Variants in ASXL2 observed in about 807,000 individuals in gnomAD.
ASXL2 encodes the protein ASXL transcriptional regulator 2, also known as putative Polycomb group protein ASXL2.
ASXL2 carries 23 observed loss-of-function variants against 122.0 expected under a neutral mutation model. The observed-to-expected ratio is 0.19, with a 90% CI of 0.14 to 0.27. The LOEUF (loss-of-function observed/expected upper bound fraction) is 0.27, where lower values mean the gene tolerates loss of function less well. Ranked by LOEUF, ASXL2 falls within the 10% of genes least tolerant of loss-of-function variation. ASXL2 has a pLI of 1.00. For synonymous variants in ASXL2, 650 were observed against 637.0 expected, an observed-to-expected ratio of 1.02 and a Z score of -0.31; for missense variants, 1,518 against 1,713.8, an observed-to-expected ratio of 0.89 and a Z score of 2.02.
At chr2:25,759,100 G>A (rs897941868) in intron 9 of ASXL2, among the ~76,000 whole-genome samples, 11 of 152,006 alleles carry the variant, frequency 7.2e-5, no homozygotes, top group African/African-American at 2.7e-4. Context: ...GATTACAGGC[G>A]CCCACCACCA....
chr2:25,771,330 T>C, intron 6 of ASXL2, 110 bp downstream of exon 6: 1 of 890,312 alleles, frequency 1.1e-6, no homozygotes, highest in African/African-American at 1.7e-5. Context: ...AAAGTTCCAC[T>C]GGCAAGGGCC....
At chr2:25,769,053 T>C (rs73922463) in intron 6 of ASXL2, among the ~76,000 whole-genome samples, 185 bp from the exon 7 acceptor site, 2 of 152,120 alleles carry the variant, frequency 1.3e-5, no homozygotes, top group Non-Finnish European at 2.9e-5. Context: ...AGATCAAGTG[T>C]AGTATCTGTT....
chr2:25,856,539 A>G, intron 1 of ASXL2: 1 of 1,124,848 alleles, frequency 8.9e-7, no homozygotes, highest in South Asian at 1.2e-5. Context: ...TCCTCAAATG[A>G]GTTGGTTGTA....
At chr2:25,826,762 T>TAAAAGAAAA (rs2089382749) in intron 3 of ASXL2, among the ~76,000 whole-genome samples, 1 of 68,088 alleles carries the variant, frequency 1.5e-5, no homozygotes, top group Non-Finnish European at 2.6e-5. Context: ...ACTTTCAAGG[T>TAAAAGAAAA]AAAAAAAAAA....
At chr2:25,862,016 TA>T (rs1325737519) in intron 1 of ASXL2, among the ~76,000 whole-genome samples, 35 of 152,222 alleles carry the variant, frequency 2.3e-4, no homozygotes, top group Non-Finnish European at 4.3e-4. Context: ...ATTTTCCAGC[TA>T]ATTTAATGTC....
At chr2:25,829,852 G>C (rs2089430122) in intron 3 of ASXL2, among the ~76,000 whole-genome samples, 1 of 152,148 alleles carries the variant, frequency 6.6e-6, no homozygotes, top group South Asian at 2.1e-4. Flanking sequence ...TTGTCCTTGT[G>C]GGCCTGAGAC....
chr2:25,844,437 C>T (rs2089625910), intron 2 of ASXL2, among the ~76,000 whole-genome samples: 1 of 151,872 alleles, frequency 6.6e-6, no homozygotes. Context: ...AAAAATTAGG[C>T]ATGGTGGTGC....
intron 4 of ASXL2, among the ~76,000 whole-genome samples, chr2:25,800,874 A>T (rs2088988592): frequency 6.6e-6 from 1 of 152,216 alleles, no homozygotes; most frequent in South Asian, 2.1e-4. Context: ...CTATGTGTTT[A>T]CATAATATAT....
intron 2 of ASXL2, among the ~76,000 whole-genome samples, chr2:25,836,258 T>A (rs561474558): frequency 6.6e-6 from 1 of 152,194 alleles, no homozygotes; most frequent in African/African-American, 2.4e-5. Flanking sequence ...AGGAGGAAGA[T>A]GCAGGCTTAA....
At chr2:25,755,174 GC>G in intron 10 of ASXL2, among the ~76,000 whole-genome samples, 1 of 152,258 alleles carries the variant, frequency 6.6e-6, no homozygotes, top group Middle Eastern at 3.4e-3. Context: ...AAATAATTCA[GC>G]CAGTGGTTTT....
intron 8 of ASXL2, among the ~76,000 whole-genome samples, chr2:25,763,022 GA>G (rs1402921636): frequency 6.6e-6 from 1 of 152,132 alleles, no homozygotes; most frequent in South Asian, 2.1e-4. Context: ...CCATCAGAAA[GA>G]TTTTAAACAT....
In ASXL2 at chr2:25,738,050, T is replaced by C. The variant is rs2087765281; in HGVS notation, c.*3979A>G. 1 of 152,204 alleles carries C rather than the reference T, an allele frequency of 6.6e-6. No individual in the cohort carries two copies. Among genetic ancestry groups the C allele is most frequent in the Non-Finnish European group, 1.5e-5 (1 of 68,020 alleles). 9.4% of individuals were successfully genotyped at this position (152,204 alleles called of 1,614,324 possible). On this transcript the variant is annotated 3_prime_UTR_variant, in exon 13 of 13. Transcript: ENST00000435504. Reference sequence around the variant, plus strand: ...AACTATTCCCCTTATTGCATTTTTCTGAAATAATCTGAGTGTCTTTAGAGT... The same window carrying C: ...AACTATTCCCCTTATTGCATTTTTCCGAAATAATCTGAGTGTCTTTAGAGT...
chr2:25,850,859 G>A (rs574150343), intron 1 of ASXL2, among the ~76,000 whole-genome samples: 1 of 152,268 alleles, frequency 6.6e-6, no homozygotes, highest in East Asian at 1.9e-4. Context: ...TAAAAAAGCA[G>A]GATAAGGCTG....
rs2087722804 is a variant in ASXL2, at chr2:25,735,577, T to C, written c.*6452A>G. 1 of 152,216 alleles carries C rather than the reference T, an allele frequency of 6.6e-6. No individual in the cohort carries two copies. The highest frequency in any genetic ancestry group is 2.4e-5 in the African/African-American group (1 of 41,452). 9.4% of individuals were successfully genotyped at this position (152,216 alleles called of 1,614,324 possible). A position where few individuals can be genotyped will look rare whatever the true frequency, so the allele number is the denominator to read the frequency against. ...ATGAAAATCATGTTTTAAGAAAAAT[T>C]CCCTTTAGCTTCTTTTAGGTTTGAA... On this transcript the variant is annotated 3_prime_UTR_variant, in exon 13 of 13. Coordinates refer to ENST00000435504, the MANE Select transcript of ASXL2 (RefSeq NM_018263.6).
At chr2:25,759,460 C>T (rs999124729) in intron 9 of ASXL2, 22 bp downstream of exon 9, 2 of 1,608,984 alleles carry the variant, frequency 1.2e-6, no homozygotes, top group African/African-American at 2.7e-5. Flanking sequence ...TTTTTAAAAT[C>T]TTAAGGAGTT....
At chr2:25,810,613 T>C in intron 3 of ASXL2, 1 of 780,430 alleles carries the variant, frequency 1.3e-6, no homozygotes. Context: ...CTGCAGAACC[T>C]GGATATTGTG....
chr2:25,781,251 T>C (rs35404220), intron 5 of ASXL2, among the ~76,000 whole-genome samples: 48,703 of 151,764 alleles, frequency 0.32, 8,368 homozygotes, highest in African/African-American at 0.41. Flanking sequence ...AAGTAATGCT[T>C]GGCCAGGCAC....
At chr2:25,803,874 T>A (rs1229180020) in intron 4 of ASXL2, among the ~76,000 whole-genome samples, 2 of 152,158 alleles carry the variant, frequency 1.3e-5, no homozygotes, top group African/African-American at 4.8e-5. Flanking sequence ...TTAAAGGACA[T>A]CCAGCTGATG....
At chr2:25,754,468 C>T (rs374631482) in intron 10 of ASXL2, among the ~76,000 whole-genome samples, 6 of 152,020 alleles carry the variant, frequency 3.9e-5, no homozygotes, top group African/African-American at 9.7e-5. Context: ...GTTAGAGGAC[C>T]GTGGACATCA....
Sources: gnomAD v4.1 joint callset for allele counts (sites outside exome capture counted in the v4.1 genomes callset) on GRCh38, gnomAD v4.1.1 for gene constraint, MANE v1.5 for transcripts, NCBI Gene and HGNC (gene_info 2026-07-23, HGNC 2026-07-21) for gene names.